KCNN2: variants seen among roughly 807,000 people sequenced by gnomAD.
KCNN2 encodes potassium calcium-activated channel subfamily N member 2.
Under a neutral mutation model 55.5 loss-of-function variants are expected in KCNN2, and 24 were observed. The observed-to-expected ratio is 0.43, with a 90% CI of 0.31 to 0.61. The LOEUF is 0.61. KCNN2 is among the 20% of genes least tolerant of loss of function. KCNN2 has a pLI of 0.08. For missense variants in KCNN2, 754 were observed against 853.6 expected, an observed-to-expected ratio of 0.88 and a Z score of 1.45; for synonymous variants, 431 against 336.1, an observed-to-expected ratio of 1.28 and a Z score of -3.09.
chr5:114,133,383 G>T (rs1352743088), intron 1 of KCNN2, among the ~76,000 whole-genome samples: 1 of 152,158 alleles, frequency 6.6e-6, no homozygotes, highest in African/African-American at 2.4e-5. Flanking sequence ...AATAGTAGTT[G>T]TAATTTTTCT....
chr5:114,094,729 A>G (rs1020478369), intron 1 of KCNN2, among the ~76,000 whole-genome samples: 4 of 152,156 alleles, frequency 2.6e-5, no homozygotes, highest in Admixed American at 2.6e-4. Context: ...CTATTTTGAC[A>G]ATTATAAGAT....
chr5:114,410,296 C>T (rs914142293), intron 3 of KCNN2, among the ~76,000 whole-genome samples: 2 of 152,150 alleles, frequency 1.3e-5, no homozygotes, highest in South Asian at 4.1e-4. Context: ...CAGCTATTCA[C>T]CCCAAAGTGT....
chr5:114,328,963 A>G (rs759205785), intron 2 of KCNN2, among the ~76,000 whole-genome samples: 13 of 152,152 alleles, frequency 8.5e-5, no homozygotes, highest in Non-Finnish European at 1.9e-4. Context: ...ATGTTCCCAC[A>G]TCCCTGTTCT....
chr5:114,255,916 T>C (rs1184915799), intron 2 of KCNN2, among the ~76,000 whole-genome samples: 1 of 152,196 alleles, frequency 6.6e-6, no homozygotes, highest in Non-Finnish European at 1.5e-5. Flanking sequence ...ATATATTCTC[T>C]AGTGGTGACG....
chr5:114,493,570 T>G, intron 7 of KCNN2, 98 bp downstream of exon 7: 2 of 814,800 alleles, frequency 2.5e-6, no homozygotes, highest in Non-Finnish European at 4.2e-6. Flanking sequence ...CCAACCCAAA[T>G]CTAATTAATA....
rs540629332 is a variant in KCNN2 at position 114,362,440 on chromosome 5, A to G, written c.301A>G (p.Thr101Ala). The G allele has an allele frequency of 7.4e-5, 28 of 377,222 alleles. No homozygotes were observed. Among genetic ancestry groups the G allele is most frequent in the Admixed American group, 7.2e-4 (15 of 20,896 alleles). The allele number at this position is 377,222 out of a possible 1,614,324, so 23.4% of individuals were successfully genotyped here. ...CTCCTCGCCCGGCGGCGCCTTCCGG[A>G]CCCGCACCTCCTCGCCGCTGTCGGG... ...RTSSPGGAFR[T>A]RTSSPLSGSS... Residue 101 changes from threonine (T) to alanine (A), a missense_variant, in exon 1 of 8, where the codon ACC becomes GCC. This residue lies in a region of KCNN2 where 381 missense variants were observed against 259.1 expected (regional missense o/e 1.47). Coordinates refer to ENST00000673685, the MANE Select transcript of KCNN2 (RefSeq NM_021614.4).
intron 4 of KCNN2, among the ~76,000 whole-genome samples, chr5:114,471,770 T>C (rs564650417): frequency 1.3e-5 from 2 of 152,322 alleles, no homozygotes; most frequent in South Asian, 4.1e-4. Flanking sequence ...TTAAGCCCTC[T>C]GGAAATATAT....
At chr5:114,439,589 CAG>C (rs1760135360) in intron 3 of KCNN2, among the ~76,000 whole-genome samples, 1 of 152,118 alleles carries the variant, frequency 6.6e-6, no homozygotes, top group African/African-American at 2.4e-5. Context: ...GCCCAGGAAT[CAG>C]GGTTTTAAAA....
At chr5:114,113,279 G>A (rs1751639691) in intron 1 of KCNN2, among the ~76,000 whole-genome samples, 1 of 151,864 alleles carries the variant, frequency 6.6e-6, no homozygotes, top group African/African-American at 2.4e-5. Context: ...AGCTGCCTAG[G>A]ATCTTTCATG....
chr5:114,468,142 C>T (rs959610758), intron 4 of KCNN2, among the ~76,000 whole-genome samples: 2 of 152,092 alleles, frequency 1.3e-5, no homozygotes, highest in African/African-American at 2.4e-5. Context: ...TATTTGAAGA[C>T]ACTTAGAGGG....
At chr5:114,478,221 G>A (rs910267945) in intron 5 of KCNN2, among the ~76,000 whole-genome samples, 1 of 152,072 alleles carries the variant, frequency 6.6e-6, no homozygotes, top group African/African-American at 2.4e-5. Flanking sequence ...AAGCCTCTGA[G>A]AAAGCAGCAG....
chr5:114,401,683 GT>G (rs2150069593), intron 2 of KCNN2, among the ~76,000 whole-genome samples: 1 of 152,294 alleles, frequency 6.6e-6, no homozygotes, highest in South Asian at 2.1e-4. Flanking sequence ...AGGAGCTGAC[GT>G]GGAGTTTGGT....
intron 1 of KCNN2, among the ~76,000 whole-genome samples, chr5:114,185,726 A>G (rs1580599585): frequency 6.6e-6 from 1 of 152,354 alleles, no homozygotes; most frequent in Admixed American, 6.5e-5. Flanking sequence ...ACGTAGAGAA[A>G]TGAAAGTTGC....
chr5:114,301,227 G>A (rs933289046), intron 2 of KCNN2, among the ~76,000 whole-genome samples: 3 of 151,944 alleles, frequency 2.0e-5, no homozygotes, highest in African/African-American at 7.3e-5. Context: ...TGTAACCTTG[G>A]ACTTTTATTT....
rs6149185 is a variant in KCNN2 at position 114,323,649 on chromosome 5, A to ATTTTTTTTTTTTTTTTTTTTTTTTTTTT, written c.-184-37278_-184-37277insTTTTTTTTTTTTTTTTTTTTTTTTTTTT. Among the ~76,000 whole-genome samples, 211 of 85,280 alleles carry ATTTTTTTTTTTTTTTTTTTTTTTTTTTT rather than the reference A, an allele frequency of 2.5e-3. 43 individuals carry two copies. Among genetic ancestry groups the ATTTTTTTTTTTTTTTTTTTTTTTTTTTT allele is most frequent in the Non-Finnish European group, 3.2e-3 (143 of 44,030 alleles). 55.9% of individuals were successfully genotyped at this position (85,280 alleles called of 152,430 possible). A position where few individuals can be genotyped will look rare whatever the true frequency, so the allele number is the denominator to read the frequency against. ...TAAGTATCATGATATAAACATATCA[A>ATTTTTTTTTTTTTTTTTTTTTTTTTTTT]TTTTTTTTTTTTTTTTTTGCTGGTC... On this transcript the variant is annotated intron_variant, in intron 2 of 10. Coordinates refer to the KCNN2 transcript ENST00000512097.
chr5:114,214,720 G>T (rs6894710), intron 1 of KCNN2, among the ~76,000 whole-genome samples: 119 of 152,030 alleles, frequency 7.8e-4, no homozygotes, highest in Admixed American at 3.6e-3. Flanking sequence ...ATGGATTAAT[G>T]GGACCATAAT....
intron 1 of KCNN2, among the ~76,000 whole-genome samples, chr5:114,084,492 C>CT (rs1750970147): frequency 6.6e-6 from 1 of 151,918 alleles, no homozygotes; most frequent in South Asian, 2.1e-4. Context: ...CTGTTCAGAT[C>CT]TTTTTCTTAT....
intron 2 of KCNN2, 119 bp downstream of exon 2, chr5:114,364,120 C>A: frequency 2.8e-6 from 2 of 721,214 alleles, no homozygotes; most frequent in Non-Finnish European, 4.9e-6. Flanking sequence ...ACAGAAGACA[C>A]ATGCTGTATT....
intron 1 of KCNN2, among the ~76,000 whole-genome samples, chr5:114,122,857 G>A (rs545284103): frequency 1.3e-5 from 2 of 152,334 alleles, no homozygotes; most frequent in South Asian, 4.1e-4. Flanking sequence ...GGAAGTTCTT[G>A]TTTATCTAAG....
Sources: allele counts gnomAD v4.1 joint callset (sites outside exome capture counted in the v4.1 genomes callset), GRCh38; gene constraint gnomAD v4.1.1; regional missense constraint gnomAD v4.1.1; transcripts MANE v1.5; gene names NCBI Gene and HGNC (gene_info 2026-07-23, HGNC 2026-07-21).